Variants in FARS2 observed in about 807,000 individuals in gnomAD.
FARS2 encodes phenylalanyl-tRNA synthetase 2, mitochondrial, also known as phenylalanine--tRNA ligase, mitochondrial.
FARS2 carries 40 observed loss-of-function variants against 46.4 expected under a neutral mutation model. The ratio of observed to expected loss-of-function variants is 0.86; its 90% CI spans 0.67 to 1.12. FARS2 has a LOEUF of 1.12. Among genes scored for constraint, FARS2 ranks in the 50% most tolerant of loss-of-function variants. The pLI, the probability that FARS2 is intolerant of heterozygous loss-of-function variation, is 0.00. For missense variants in FARS2, 513 were observed against 567.9 expected (o/e 0.90, Z 0.98); for synonymous variants, 234 against 214.9 (o/e 1.09, Z -0.78).
chr6:5,392,723 AATAT>A (rs1384289787), intron 2 of FARS2, among the ~76,000 whole-genome samples: 1 of 132,546 alleles, frequency 7.5e-6, no homozygotes, highest in South Asian at 2.7e-4. Context: ...CTTGCTCTAA[AATAT>A]ATATATATAC....
intron 3 of FARS2, among the ~76,000 whole-genome samples, chr6:5,418,727 G>A (rs1336646893): frequency 6.6e-6 from 1 of 152,054 alleles, no homozygotes; most frequent in Non-Finnish European, 1.5e-5. Flanking sequence ...ATCCTGACTT[G>A]TCCAGACTCC....
rs73362214 is a variant in FARS2 at position 5,650,315 on chromosome 6, C to T, written c.1217+36995C>T. ...CTCAAAAGCACCCAAAGAAATGTTC[C>T]TTAAAATATATGTACATCATGGAAG... is the stretch of plus-strand genomic sequence containing the variant. On this transcript the variant is annotated intron_variant, in intron 6 of 6. Transcript: ENST00000274680. Among the ~76,000 whole-genome samples the T allele has an allele frequency of 2.7e-3, 386 of 144,118 alleles. 2 individuals are homozygous for T. Among genetic ancestry groups the T allele is most frequent in the African/African-American group, 9.7e-3 (371 of 38,352 alleles). The allele number at this position is 144,118 out of a possible 152,430, so 94.5% of individuals were successfully genotyped here. A position where few individuals can be genotyped will look rare whatever the true frequency, so the allele number is the denominator to read the frequency against.
chr6:5,588,765 G>T (rs542048654), intron 5 of FARS2, among the ~76,000 whole-genome samples: 2 of 152,188 alleles, frequency 1.3e-5, no homozygotes, highest in Non-Finnish European at 2.9e-5. Flanking sequence ...AGGTTCTTTC[G>T]CGTGCAGTTC....
chr6:5,394,321 A>G (rs954474895), intron 2 of FARS2, among the ~76,000 whole-genome samples: 1 of 152,148 alleles, frequency 6.6e-6, no homozygotes, highest in Non-Finnish European at 1.5e-5. Context: ...CCTATCACCT[A>G]GTGATTTGTG....
chr6:5,577,254 A>T (rs1448268969), intron 5 of FARS2, among the ~76,000 whole-genome samples: 1 of 152,188 alleles, frequency 6.6e-6, no homozygotes. Context: ...ATAATTACAG[A>T]TATGGAAAAC....
chr6:5,723,416 G>A (rs1288039729), intron 6 of FARS2, among the ~76,000 whole-genome samples: 1 of 152,140 alleles, frequency 6.6e-6, no homozygotes, highest in Admixed American at 6.5e-5. Flanking sequence ...TGCACCCTTG[G>A]ACACGCTGCA....
chr6:5,665,092 G>C (rs1239563096), intron 6 of FARS2: 1 of 152,214 alleles, frequency 6.6e-6, no homozygotes, highest in Non-Finnish European at 1.5e-5. Context: ...GCTTTCTAAG[G>C]ACAGGCTATT....
At chr6:5,703,969 C>T (rs1758591229) in intron 6 of FARS2, among the ~76,000 whole-genome samples, 2 of 152,202 alleles carry the variant, frequency 1.3e-5, no homozygotes, top group South Asian at 4.1e-4. Context: ...TCCTTCCTCC[C>T]TCTTCCTCCT....
the FARS2 span, among the ~76,000 whole-genome samples, chr6:5,250,383 AT>A: frequency 2.0e-5 from 3 of 152,130 alleles, no homozygotes; most frequent in Non-Finnish European, 1.5e-5. Flanking sequence ...AAAGAATGTT[AT>A]TTTTCACCCC....
rs764897456 is a variant in FARS2, at chr6:5,359,029, C to CTTTTTTTTTTTTTTTTTTTTTTTT, written c.-21-9521_-21-9520insTTTTTTTTTTTTTTTTTTTTTTTT. ...TCGAATTATAGTGATGAAAAGATAC[C>CTTTTTTTTTTTTTTTTTTTTTTTT]CTTTTTTTTTTTTTTTTTTTTTTTT... On this transcript the variant is annotated intron_variant, in intron 1 of 6. Transcript: ENST00000274680. Among the ~76,000 whole-genome samples, 33 of 72,516 alleles carry CTTTTTTTTTTTTTTTTTTTTTTTT rather than the reference C, an allele frequency of 4.6e-4. 15 individuals carry two copies. The highest frequency in any genetic ancestry group is 7.7e-4 in the Admixed American group (4 of 5,186). The allele number at this position is 72,516 out of a possible 152,430, so 47.6% of individuals were successfully genotyped here. A position where few individuals can be genotyped will look rare whatever the true frequency, so the allele number is the denominator to read the frequency against.
intron 6 of FARS2, among the ~76,000 whole-genome samples, chr6:5,723,745 G>A (rs1014661736): frequency 6.6e-6 from 1 of 152,226 alleles, no homozygotes; most frequent in Non-Finnish European, 1.5e-5. Flanking sequence ...CCTGGGGATG[G>A]TATTTTTATC....
Position 5,736,833 on chromosome 6 carries a change from A to G in FARS2, c.1218-34458A>G, listed in dbSNP as rs111375468. 3.8e-3 allele frequency among the ~76,000 whole-genome samples: 585 copies of G among 152,268 alleles called. 3 individuals are homozygous for G. The highest frequency in any genetic ancestry group is 0.013 in the African/African-American group (555 of 41,542). On this transcript the variant is annotated intron_variant, in intron 6 of 6. Coordinates refer to ENST00000274680, the MANE Select transcript of FARS2 (RefSeq NM_006567.5). The stretch of plus-strand genomic sequence containing the variant: ...CAGAAGGGAGAGTTATCTAAGAGTG[A>G]TGGGTAAGTACATGGCAAACCAATT...
chr6:5,425,094 A>G (rs952739473), intron 3 of FARS2, among the ~76,000 whole-genome samples: 1 of 152,078 alleles, frequency 6.6e-6, no homozygotes, highest in African/African-American at 2.4e-5. Flanking sequence ...ATATTCTACT[A>G]TTTTTCTGGT....
intron 5 of FARS2, among the ~76,000 whole-genome samples, chr6:5,548,257 C>T (rs1290730020): frequency 1.3e-5 from 2 of 152,276 alleles, no homozygotes; most frequent in East Asian, 3.9e-4. Flanking sequence ...TGGGCGGGGA[C>T]ACAGCCAAAC....
intron 5 of FARS2, among the ~76,000 whole-genome samples, chr6:5,579,474 A>T (rs564107347): frequency 1.3e-5 from 2 of 152,070 alleles, no homozygotes; most frequent in African/African-American, 4.8e-5. Context: ...GGATTTCACC[A>T]TGTTGGCCAG....
intron 6 of FARS2, among the ~76,000 whole-genome samples, chr6:5,622,588 C>T (rs1038932103): frequency 6.6e-6 from 1 of 152,194 alleles, no homozygotes; most frequent in Non-Finnish European, 1.5e-5. Context: ...GCTGCCTGCT[C>T]CTTCCATCTC....
At chr6:5,301,488 G>A (rs1768295425) in intron 1 of FARS2, among the ~76,000 whole-genome samples, 1 of 152,116 alleles carries the variant, frequency 6.6e-6, no homozygotes, top group South Asian at 2.1e-4. Context: ...GTAACGGCAA[G>A]TTCTCTTTCA....
intron 5 of FARS2, among the ~76,000 whole-genome samples, chr6:5,591,411 C>G (rs763451584): frequency 2.8e-4 from 42 of 152,256 alleles, no homozygotes; most frequent in Non-Finnish European, 3.8e-4. Context: ...CTGAGCACAG[C>G]TGTGACCACT....
At chr6:5,446,732 T>C (rs1764207542) in intron 4 of FARS2, among the ~76,000 whole-genome samples, 1 of 152,320 alleles carries the variant, frequency 6.6e-6, no homozygotes, top group South Asian at 2.1e-4. Flanking sequence ...TACATTTTAT[T>C]GTGTATATTT....
Sources: allele counts gnomAD v4.1 joint callset (sites outside exome capture counted in the v4.1 genomes callset), GRCh38; gene constraint gnomAD v4.1.1; transcripts MANE v1.5; gene names NCBI Gene and HGNC (gene_info 2026-07-23, HGNC 2026-07-21).